The following RIC3 variants were observed in gnomAD, a reference collection of about 807,000 sequenced individuals.
RIC3 encodes RIC3 acetylcholine receptor chaperone.
In RIC3, 28 loss-of-function variants were observed where a neutral mutation model predicts 27.3. That is an observed-to-expected ratio of 1.02 (90% CI 0.76 to 1.41). The LOEUF (loss-of-function observed/expected upper bound fraction) is 1.41. Ranked by LOEUF, RIC3 falls within the 40% of genes most tolerant of loss-of-function variation. RIC3 has a pLI of 0.00. For synonymous variants in RIC3, 184 were observed against 160.4 expected (o/e 1.15, Z -1.11); for missense variants, 501 against 444.7 (o/e 1.13, Z -1.14).
At chr11:8,146,116 A>G (rs1432527372) in intron 1 of RIC3, among the ~76,000 whole-genome samples, 3 of 152,238 alleles carry the variant, frequency 2.0e-5, no homozygotes, top group Non-Finnish European at 2.9e-5. Context: ...TGCTGTGACA[A>G]TAGTGTAGTA....
chr11:8,152,074 T>C (rs1012269100), intron 1 of RIC3, among the ~76,000 whole-genome samples: 1 of 152,132 alleles, frequency 6.6e-6, no homozygotes, highest in Non-Finnish European at 1.5e-5. Flanking sequence ...CTAACTAGGA[T>C]GGCTATAATG....
At chr11:8,137,772 T>C (rs1262403122) in intron 3 of RIC3, among the ~76,000 whole-genome samples, 10 of 152,168 alleles carry the variant, frequency 6.6e-5, no homozygotes, top group Admixed American at 6.5e-4. Context: ...GGGTGGTAAA[T>C]TTTTCATAGG....
At chr11:8,128,915 T>C (rs57845267) in intron 4 of RIC3, among the ~76,000 whole-genome samples, 26,746 of 151,750 alleles carry the variant, frequency 0.18, 3,123 homozygotes, top group African/African-American at 0.33. Context: ...CCACCTCGCC[T>C]GGCTAATTTT....
intron 4 of RIC3, among the ~76,000 whole-genome samples, chr11:8,130,115 T>C (rs1313957022): frequency 6.6e-6 from 1 of 152,224 alleles, no homozygotes; most frequent in Non-Finnish European, 1.5e-5. Context: ...TAGTTTTCTT[T>C]TGGGGAACCA....
At chr11:8,094,085 C>G in the RIC3 span, 4 of 1,614,050 alleles carry the variant, frequency 2.5e-6, no homozygotes, top group African/African-American at 2.7e-5. Context: ...CAGCTGGGAG[C>G]CACGCGCCCA....
intron 4 of RIC3, among the ~76,000 whole-genome samples, chr11:8,136,559 G>A (rs77260755): frequency 0.013 from 1,908 of 152,260 alleles, 50 homozygotes; most frequent in African/African-American, 0.044. Context: ...CAGATCCTCA[G>A]CCAGCCTGGT....
At chr11:8,128,876 T>C (rs1321391700) in intron 4 of RIC3, among the ~76,000 whole-genome samples, 1 of 146,464 alleles carries the variant, frequency 6.8e-6, no homozygotes, top group Non-Finnish European at 1.5e-5. Flanking sequence ...TGCCTCAGCC[T>C]CCCGCATAGC....
downstream of RIC3, chr11:8,101,686 A>G (rs1944314944): frequency 2.5e-6 from 4 of 1,580,024 alleles, no homozygotes; most frequent in South Asian, 3.4e-5. Flanking sequence ...CTGTGGAGAC[A>G]GCCCTGCCTA....
chr11:8,159,011 G>A (rs560091201), intron 1 of RIC3, among the ~76,000 whole-genome samples: 83 of 151,592 alleles, frequency 5.5e-4, no homozygotes, highest in African/African-American at 1.8e-3. Context: ...GATTACAGGC[G>A]TGAGCCACCG....
intron 5 of RIC3, among the ~76,000 whole-genome samples, chr11:8,116,023 A>C (rs2133397379): frequency 6.6e-6 from 1 of 152,358 alleles, no homozygotes; most frequent in East Asian, 1.9e-4. Flanking sequence ...TAATCAAAAC[A>C]GTATGTTACT....
At chr11:8,159,863 G>A (rs1317053334) in intron 1 of RIC3, among the ~76,000 whole-genome samples, 3 of 151,998 alleles carry the variant, frequency 2.0e-5, no homozygotes, top group African/African-American at 7.2e-5. Flanking sequence ...GCGTGGTGGT[G>A]GATGCCTGTA....
At chr11:8,151,478 C>T (rs1317277517) in intron 1 of RIC3, among the ~76,000 whole-genome samples, 11 of 146,268 alleles carry the variant, frequency 7.5e-5, no homozygotes, top group Non-Finnish European at 1.3e-4. Flanking sequence ...CCCAGCTACA[C>T]GGGAGGCTGA....
At chr11:8,147,517 C>G (rs1293126892) in intron 1 of RIC3, among the ~76,000 whole-genome samples, 2 of 152,058 alleles carry the variant, frequency 1.3e-5, no homozygotes, top group African/African-American at 4.8e-5. Flanking sequence ...CAAGAGACAA[C>G]CTTGCAGGGC....
the RIC3 span, chr11:8,097,361 AAG>A: frequency 6.2e-7 from 1 of 1,614,204 alleles, no homozygotes; most frequent in Admixed American, 1.7e-5. Flanking sequence ...CGGGACAAGA[AAG>A]GGATGGACCG....
At chr11:8,121,464 C>T (rs1946438099) in intron 5 of RIC3, among the ~76,000 whole-genome samples, 1 of 151,856 alleles carries the variant, frequency 6.6e-6, no homozygotes, top group African/African-American at 2.4e-5. Context: ...GTCTGTAATC[C>T]CAGCACTTTG....
intron 1 of RIC3, among the ~76,000 whole-genome samples, chr11:8,160,363 T>C (rs1951060883): frequency 1.3e-5 from 2 of 152,206 alleles, no homozygotes; most frequent in East Asian, 1.9e-4. Context: ...TGTTTGAAAA[T>C]GTCTTTAACA....
intron 4 of RIC3, among the ~76,000 whole-genome samples, chr11:8,134,128 A>G (rs555968023): frequency 6.6e-6 from 1 of 152,158 alleles, no homozygotes; most frequent in Admixed American, 6.5e-5. Context: ...TATATCTCCT[A>G]ATGCTATCCC....
At chr11:8,126,262 G>A (rs559501923) in intron 5 of RIC3, among the ~76,000 whole-genome samples, 33 of 152,166 alleles carry the variant, frequency 2.2e-4, no homozygotes, top group African/African-American at 7.7e-4. Context: ...CTACTACTCA[G>A]CAAGAAAAAA....
rs780109669 is a variant in RIC3, at chr11:8,138,252, T to C, written c.427+20A>G. On this transcript the variant is annotated intron_variant, in intron 3 of 5. Transcript: ENST00000309737. ...TTTGACTCAATAATACCTGTGAATATACTGAGAAGGGGCACTTACTAATTT... is the reference window on the plus strand; with the variant it reads ...TTTGACTCAATAATACCTGTGAATACACTGAGAAGGGGCACTTACTAATTT... 6.4e-7 allele frequency: 1 copy of C among 1,554,292 alleles called. No homozygotes were observed. Among genetic ancestry groups the C allele is most frequent in the African/African-American group, 1.4e-5 (1 of 73,636 alleles).
Sources: gnomAD v4.1 joint callset for allele counts (sites outside exome capture counted in the v4.1 genomes callset) on GRCh38, gnomAD v4.1.1 for gene constraint, MANE v1.5 for transcripts, NCBI Gene and HGNC (gene_info 2026-07-23, HGNC 2026-07-21) for gene names.